Variants in CNTNAP4 observed in about 807,000 individuals in gnomAD.
The protein encoded by CNTNAP4 is contactin associated protein family member 4.
A neutral mutation model predicts 148.4 loss-of-function variants in CNTNAP4; 98 were observed. The ratio of observed to expected loss-of-function variants is 0.66; its 90% CI spans 0.56 to 0.78. CNTNAP4 has a LOEUF of 0.78. Among genes scored for constraint, CNTNAP4 ranks in the 30% least tolerant of loss-of-function variants. The pLI is 0.00. For missense variants in CNTNAP4, 1,935 were observed against 1,565.6 expected (o/e 1.24, Z -3.98); for synonymous variants, 730 against 565.1 (o/e 1.29, Z -4.14).
At chr16:76,460,563 C>T (rs1477652722) in intron 8 of CNTNAP4, among the ~76,000 whole-genome samples, 2 of 145,248 alleles carry the variant, frequency 1.4e-5, no homozygotes, top group East Asian at 2.1e-4. Context: ...AGATCGAGAC[C>T]ATCCTGGCTA....
At chr16:76,460,141 C>G (rs1489204083) in intron 8 of CNTNAP4, among the ~76,000 whole-genome samples, 2 of 151,868 alleles carry the variant, frequency 1.3e-5, no homozygotes, top group Non-Finnish European at 2.9e-5. Context: ...GAGTTTCACT[C>G]TTGTTGCCCA....
intron 3 of CNTNAP4, among the ~76,000 whole-genome samples, chr16:76,392,524 T>A (rs2078061651): frequency 6.6e-6 from 1 of 152,070 alleles, no homozygotes. Flanking sequence ...AAGAAGACAA[T>A]GTAAGACTAC....
chr16:76,546,257 C>CG (rs1309741775), intron 21 of CNTNAP4, among the ~76,000 whole-genome samples: 1 of 152,144 alleles, frequency 6.6e-6, no homozygotes, highest in Non-Finnish European at 1.5e-5. Flanking sequence ...TCAGTATGAT[C>CG]GGGGGTTCCT....
chr16:76,541,830 G>A lies in CNTNAP4; in HGVS notation c.3442+1040G>A, dbSNP rs561182013. Among the ~76,000 whole-genome samples the A allele has an allele frequency of 2.3e-4, 35 of 152,252 alleles. No homozygotes were observed. In the South Asian group the frequency reaches 6.8e-3, roughly 30 times the overall value. On this transcript the variant is annotated intron_variant, in intron 21 of 23. Coordinates refer to ENST00000611870, the MANE Select transcript of CNTNAP4 (RefSeq NM_033401.5). The stretch of plus-strand genomic sequence containing the variant: ...ACAAACAGGGGAAATACCATGAATT[G>A]CAATGTTCTTCCATTATCTATAGTG...
intron 3 of CNTNAP4, among the ~76,000 whole-genome samples, chr16:76,398,978 T>C (rs148199913): frequency 0.025 from 3,844 of 152,176 alleles, 151 homozygotes; most frequent in African/African-American, 0.086. Context: ...GGGGCAGTTT[T>C]CCCCATACTG....
intron 1 of CNTNAP4, among the ~76,000 whole-genome samples, chr16:76,286,722 A>G (rs929201312): frequency 1.3e-5 from 2 of 152,208 alleles, no homozygotes; most frequent in African/African-American, 4.8e-5. Flanking sequence ...ATTTTTTCAC[A>G]TCTTTCACTT....
intron 2 of CNTNAP4, among the ~76,000 whole-genome samples, chr16:76,339,878 A>T (rs2144336769): frequency 6.6e-6 from 1 of 152,344 alleles, no homozygotes. Context: ...AACAAAAGCA[A>T]ACTGTATTCT....
chr16:76,531,393 C>G (rs2083978709), intron 17 of CNTNAP4, among the ~76,000 whole-genome samples: 1 of 152,046 alleles, frequency 6.6e-6, no homozygotes, highest in Non-Finnish European at 1.5e-5. Flanking sequence ...ACTCAGCACC[C>G]AGAGAAATTA....
intron 3 of CNTNAP4, among the ~76,000 whole-genome samples, chr16:76,377,796 T>A (rs758635576): frequency 9.2e-5 from 14 of 152,170 alleles, no homozygotes; most frequent in Non-Finnish European, 1.8e-4. Context: ...ACAGAAGAAC[T>A]ATAAAAATGC....
At chr16:76,330,184 G>A (rs1874500268) in intron 2 of CNTNAP4, among the ~76,000 whole-genome samples, 1 of 152,076 alleles carries the variant, frequency 6.6e-6, no homozygotes, top group African/African-American at 2.4e-5. Flanking sequence ...CTGGTTCCTG[G>A]TGGTTTTTTA....
At chr16:76,460,139 C>T (rs2080886688) in intron 8 of CNTNAP4, among the ~76,000 whole-genome samples, 1 of 151,734 alleles carries the variant, frequency 6.6e-6, no homozygotes, top group Admixed American at 6.6e-5. Flanking sequence ...TGGAGTTTCA[C>T]TCTTGTTGCC....
chr16:76,444,180 G>C (rs1597559940), intron 4 of CNTNAP4, among the ~76,000 whole-genome samples: 1 of 152,166 alleles, frequency 6.6e-6, no homozygotes, highest in East Asian at 1.9e-4. Flanking sequence ...TATTCAACAG[G>C]ACAATAAACC....
intron 3 of CNTNAP4, among the ~76,000 whole-genome samples, chr16:76,384,838 T>G (rs2016352865): frequency 6.6e-6 from 1 of 152,188 alleles, no homozygotes; most frequent in Non-Finnish European, 1.5e-5. Flanking sequence ...GTTGTTTTAT[T>G]TCCCCAAAAT....
intron 2 of CNTNAP4, among the ~76,000 whole-genome samples, chr16:76,328,445 G>A (rs1397401307): frequency 6.6e-6 from 1 of 152,132 alleles, no homozygotes; most frequent in Non-Finnish European, 1.5e-5. Context: ...TCTGAGACGT[G>A]ATCACTAAAT....
At chr16:76,556,925 G>A (rs901750485) in intron 23 of CNTNAP4, among the ~76,000 whole-genome samples, 12 of 152,136 alleles carry the variant, frequency 7.9e-5, no homozygotes, top group African/African-American at 2.9e-4. Context: ...GGCCTAGCAG[G>A]TTATATGCAC....
chr16:76,472,158 T>C (rs1597655111), intron 10 of CNTNAP4, among the ~76,000 whole-genome samples: 1 of 151,946 alleles, frequency 6.6e-6, no homozygotes, highest in African/African-American at 2.4e-5. Context: ...TATCTTGTAT[T>C]GGAGTGAGTA....
At chr16:76,472,165 A>T (rs962704627) in intron 10 of CNTNAP4, among the ~76,000 whole-genome samples, 2 of 151,934 alleles carry the variant, frequency 1.3e-5, no homozygotes, top group Non-Finnish European at 2.9e-5. Context: ...TATTGGAGTG[A>T]GTAGGGAGGA....
At chr16:76,498,315 C>T (rs955435195) in intron 14 of CNTNAP4, among the ~76,000 whole-genome samples, 3 of 152,068 alleles carry the variant, frequency 2.0e-5, no homozygotes, top group Non-Finnish European at 4.4e-5. Flanking sequence ...TGGATTTAAC[C>T]CAGAAAGAGG....
chr16:76,366,925 C>T (rs1256727184), intron 3 of CNTNAP4, among the ~76,000 whole-genome samples: 1 of 151,902 alleles, frequency 6.6e-6, no homozygotes, highest in Non-Finnish European at 1.5e-5. Context: ...ATTCATTCTC[C>T]CTAAAATCAT....
Sources: allele counts gnomAD v4.1 joint callset (sites outside exome capture counted in the v4.1 genomes callset), GRCh38; gene constraint gnomAD v4.1.1; transcripts MANE v1.5; gene names NCBI Gene and HGNC (gene_info 2026-07-23, HGNC 2026-07-21).